Variants in MLLT10 observed in about 807,000 individuals in gnomAD.
MLLT10 encodes protein AF-10.
A neutral mutation model predicts 129.1 loss-of-function variants in MLLT10; 30 were observed. That is an observed-to-expected ratio of 0.23 (90% CI 0.17 to 0.32). The LOEUF (loss-of-function observed/expected upper bound fraction) is 0.32. MLLT10 is among the 10% of genes least tolerant of loss of function. The probability of loss-of-function intolerance (pLI) is 1.00; values close to 1 mark genes in which losing one functional copy is unlikely to be tolerated. For missense variants in MLLT10, 1,119 were observed against 1,268.3 expected, an observed-to-expected ratio of 0.88 and a Z score of 1.79; for synonymous variants, 490 against 446.4, an observed-to-expected ratio of 1.10 and a Z score of -1.23.
chr10:21,707,069 AT>A (rs1181729056), intron 13 of MLLT10, among the ~76,000 whole-genome samples: 5 of 151,762 alleles, frequency 3.3e-5, no homozygotes, highest in African/African-American at 9.7e-5. Context: ...GAAAACTTCC[AT>A]TCCTCCTGTT....
intron 13 of MLLT10, among the ~76,000 whole-genome samples, chr10:21,690,896 T>C (rs962839219): frequency 1.3e-5 from 2 of 152,188 alleles, no homozygotes; most frequent in African/African-American, 4.8e-5. Context: ...TCCTCTTTTT[T>C]ACTTTTGTCA....
At chr10:21,717,676 CTT>C (rs2056763954) in intron 14 of MLLT10, among the ~76,000 whole-genome samples, 1 of 112,164 alleles carries the variant, frequency 8.9e-6, no homozygotes. Context: ...TCCTCCTCCT[CTT>C]CCTCCTCCTC....
Position 21,583,903 on chromosome 10 carries a change from T to G in MLLT10, c.241-2391T>G, listed in dbSNP as rs189876520. ...TTTTTTTTTTGAGACGGAGTCTCGC[T>G]CTGTCACCCAGGCTGGAGTGCAGTG... On this transcript the variant is annotated intron_variant, in intron 3 of 22. Transcript: ENST00000307729. Among the ~76,000 whole-genome samples, 56 of 151,814 alleles carry G rather than the reference T, an allele frequency of 3.7e-4. 2 individuals are homozygous for G. In the East Asian group the frequency reaches 0.011, roughly 29 times the overall value.
chr10:21,660,871 CAAAAA>C (rs770411226), intron 9 of MLLT10, among the ~76,000 whole-genome samples: 9 of 81,408 alleles, frequency 1.1e-4, no homozygotes, highest in Middle Eastern at 4.8e-3. Flanking sequence ...AACTCTGTCT[CAAAAA>C]AAAAAAAAAA....
chr10:21,534,899 T>A (rs2033554658), intron 2 of MLLT10, 95 bp downstream of exon 2: 3 of 912,366 alleles, frequency 3.3e-6, no homozygotes, highest in Non-Finnish European at 4.0e-6. Flanking sequence ...CCCCGCCCCG[T>A]GCCGCGGCCG....
chr10:21,629,763 A>AGGTG (rs1275091746), intron 8 of MLLT10, among the ~76,000 whole-genome samples: 1 of 152,198 alleles, frequency 6.6e-6, no homozygotes, highest in Non-Finnish European at 1.5e-5. Context: ...TTATTGGTAG[A>AGGTG]TAAAGTGGGT....
At chr10:21,604,075 C>A (rs1431765501) in intron 5 of MLLT10, among the ~76,000 whole-genome samples, 2 of 152,186 alleles carry the variant, frequency 1.3e-5, no homozygotes, top group East Asian at 3.9e-4. Context: ...CAGTTCAACC[C>A]ATAGCAGTCT....
At chr10:21,703,655 C>T (rs2055145470) in intron 13 of MLLT10, among the ~76,000 whole-genome samples, 1 of 152,144 alleles carries the variant, frequency 6.6e-6, no homozygotes, top group African/African-American at 2.4e-5. Flanking sequence ...AGCAATTCTT[C>T]TGCCTCAGCC....
At chr10:21,625,126 C>T in intron 8 of MLLT10, 1 of 1,016,666 alleles carries the variant, frequency 9.8e-7, no homozygotes, top group Non-Finnish European at 1.5e-6. Flanking sequence ...CTCCCCCAAC[C>T]TCTAATCGGA....
At chr10:21,720,842 G>A (rs1256741283) in intron 14 of MLLT10, among the ~76,000 whole-genome samples, 3 of 152,152 alleles carry the variant, frequency 2.0e-5, no homozygotes, top group Non-Finnish European at 4.4e-5. Context: ...CGCTTACCAT[G>A]TGTCAAGCAT....
rs201455773 is a variant in MLLT10, at chr10:21,544,493, A to G, written c.240+5581A>G. The stretch of plus-strand genomic sequence containing the variant: ...GGGATTATGACCTGGCAGTACCCTG[A>G]CAGATACCGAACAGTAAAGATTCAG... On this transcript the variant is annotated intron_variant, in intron 3 of 22. Coordinates refer to ENST00000307729, the MANE Select transcript of MLLT10 (RefSeq NM_001195626.3). 3.3e-5 allele frequency among the ~76,000 whole-genome samples: 5 copies of G among 152,320 alleles called. No homozygotes were observed. The East Asian group carries it at 7.7e-4, about 24-fold the overall frequency.
At chr10:21,705,988 G>T (rs2131490929) in intron 13 of MLLT10, among the ~76,000 whole-genome samples, 1 of 152,296 alleles carries the variant, frequency 6.6e-6, no homozygotes, top group Admixed American at 6.5e-5. Flanking sequence ...TTCTTTCCCT[G>T]CATTAGGGAG....
At chr10:21,668,768 A>G (rs528013421) in intron 9 of MLLT10, among the ~76,000 whole-genome samples, 1 of 152,224 alleles carries the variant, frequency 6.6e-6, no homozygotes, top group South Asian at 2.1e-4. Flanking sequence ...ACCATCTCTA[A>G]TGTAGATTGT....
intron 3 of MLLT10, among the ~76,000 whole-genome samples, chr10:21,566,230 C>T (rs1298262107): frequency 6.6e-6 from 1 of 151,472 alleles, no homozygotes; most frequent in Non-Finnish European, 1.5e-5. Context: ...GCTGGGATTA[C>T]GGTTGTGAGC....
At chr10:21,720,925 A>C (rs2057086308) in intron 14 of MLLT10, among the ~76,000 whole-genome samples, 1 of 152,174 alleles carries the variant, frequency 6.6e-6, no homozygotes, top group Admixed American at 6.5e-5. Context: ...TGTTATCCTC[A>C]TTTTCCAGAT....
chr10:21,661,629 A>G (rs1036661179), intron 9 of MLLT10: 3 of 151,898 alleles, frequency 2.0e-5, no homozygotes, highest in South Asian at 4.1e-4. Flanking sequence ...CTTTTTATTT[A>G]TTTACTTTTA....
intron 3 of MLLT10, among the ~76,000 whole-genome samples, chr10:21,539,611 C>T (rs537033105): frequency 2.6e-5 from 4 of 151,606 alleles, no homozygotes; most frequent in African/African-American, 9.7e-5. Flanking sequence ...GTCTCTACTA[C>T]AAATACAAAA....
chr10:21,569,411 A>G (rs1588994789), intron 3 of MLLT10, among the ~76,000 whole-genome samples: 1 of 148,294 alleles, frequency 6.7e-6, no homozygotes, highest in Non-Finnish European at 1.5e-5. Context: ...GCAATATGCT[A>G]CCATACCCAG....
intron 13 of MLLT10, among the ~76,000 whole-genome samples, chr10:21,702,380 G>A (rs748366578): frequency 6.6e-5 from 10 of 152,196 alleles, no homozygotes; most frequent in Non-Finnish European, 8.8e-5. Context: ...CCTGGAGAAT[G>A]TTCCATATGC....
Sources: gnomAD v4.1 joint callset for allele counts (sites outside exome capture counted in the v4.1 genomes callset) on GRCh38, gnomAD v4.1.1 for gene constraint, MANE v1.5 for transcripts, NCBI Gene and HGNC (gene_info 2026-07-23, HGNC 2026-07-21) for gene names.